The following RIPOR2 variants were observed in gnomAD, a reference collection of about 807,000 sequenced individuals.
RIPOR2 encodes the protein rho family-interacting cell polarization regulator 2.
In RIPOR2, 39 loss-of-function variants were observed where a neutral mutation model predicts 114.5. The observed-to-expected ratio is 0.34, with a 90% CI of 0.26 to 0.44. The LOEUF is 0.44. RIPOR2 is among the 20% of genes least tolerant of loss of function. The pLI is 1.00. For missense variants in RIPOR2, 1,007 were observed against 1,255.1 expected (o/e 0.80, Z 2.99); for synonymous variants, 445 against 484.4 (o/e 0.92, Z 1.07).
intron 15 of RIPOR2, among the ~76,000 whole-genome samples, chr6:24,832,626 A>G (rs1332764818): frequency 1.3e-5 from 2 of 152,218 alleles, no homozygotes; most frequent in East Asian, 1.9e-4. Context: ...CTTTCTCAGT[A>G]GTAGGTCTAC....
chr6:24,859,650 C>CA (rs1454294259), intron 8 of RIPOR2, among the ~76,000 whole-genome samples: 2 of 152,194 alleles, frequency 1.3e-5, no homozygotes, highest in Non-Finnish European at 2.9e-5. Flanking sequence ...GAGAAGCATG[C>CA]AGCCATTTGG....
intron 1 of RIPOR2, among the ~76,000 whole-genome samples, chr6:24,970,926 C>T (rs1773763932): frequency 6.6e-6 from 1 of 152,106 alleles, no homozygotes; most frequent in Admixed American, 6.6e-5. Flanking sequence ...TCCAGTTTCC[C>T]CATCTGAAAG....
At chr6:25,015,883 C>T (rs1337844386) in intron 1 of RIPOR2, 4 of 122,556 alleles carry the variant, frequency 3.3e-5, no homozygotes, top group African/African-American at 6.1e-5. Flanking sequence ...CCCTTAAAAA[C>T]GCAGGTTTTT....
rs78125854 is a variant in RIPOR2, at chr6:24,968,369, C to T, written c.76+73482G>A. On this transcript the variant is annotated intron_variant, in intron 1 of 13. Coordinates refer to the RIPOR2 transcript ENST00000510784. Reference sequence around the variant, plus strand: ...AGGACCCCTCCACTTCTGGAAGCACCTTTGGGGTATTTTCTACATTCACTC... The same window carrying T: ...AGGACCCCTCCACTTCTGGAAGCACTTTTGGGGTATTTTCTACATTCACTC... 3.1e-3 allele frequency among the ~76,000 whole-genome samples: 473 copies of T among 152,260 alleles called. 4 individuals carry two copies. The highest frequency in any genetic ancestry group is 0.011 in the African/African-American group (451 of 41,564).
chr6:24,961,037 C>A (rs1022954572), intron 1 of RIPOR2, among the ~76,000 whole-genome samples: 1 of 152,142 alleles, frequency 6.6e-6, no homozygotes, highest in Non-Finnish European at 1.5e-5. Context: ...TGAGGAGAGT[C>A]GGCTCTGGGC....
intron 18 of RIPOR2, among the ~76,000 whole-genome samples, chr6:24,826,263 A>G (rs1249305101): frequency 6.6e-6 from 1 of 152,150 alleles, no homozygotes; most frequent in Non-Finnish European, 1.5e-5. Flanking sequence ...TAGGAAGACA[A>G]TATTAAAAAA....
chr6:24,942,002 G>A (rs1772156203), intron 1 of RIPOR2, among the ~76,000 whole-genome samples: 1 of 152,094 alleles, frequency 6.6e-6, no homozygotes, highest in Non-Finnish European at 1.5e-5. Flanking sequence ...CTTCCTCCCA[G>A]AATGTGACCC....
chr6:24,852,531 C>G, intron 9 of RIPOR2, 44 bp downstream of exon 9: 2 of 1,469,542 alleles, frequency 1.4e-6, no homozygotes, highest in Non-Finnish European at 1.9e-6. Flanking sequence ...GGCCCCTACC[C>G]TTCAGGTCCA....
At chr6:24,939,967 AATG>A (rs1369463941), upstream of RIPOR2, among the ~76,000 whole-genome samples, 6 of 152,202 alleles carry the variant, frequency 3.9e-5, no homozygotes, top group African/African-American at 1.4e-4. Flanking sequence ...TGTGAATTAC[AATG>A]ATATGAAAGG....
chr6:24,921,477 C>T (rs1770481609), intron 1 of RIPOR2, among the ~76,000 whole-genome samples: 1 of 151,754 alleles, frequency 6.6e-6, no homozygotes, highest in South Asian at 2.1e-4. Flanking sequence ...GATCTTCTAC[C>T]ATTCTCTGCC....
At chr6:24,875,181 G>A (rs1765595911) in intron 2 of RIPOR2, among the ~76,000 whole-genome samples, 1 of 152,220 alleles carries the variant, frequency 6.6e-6, no homozygotes, top group Non-Finnish European at 1.5e-5. Context: ...AAAAACTGAA[G>A]ATAAACTTGG....
chr6:24,919,834 G>A (rs747563254), intron 1 of RIPOR2, among the ~76,000 whole-genome samples: 2 of 152,122 alleles, frequency 1.3e-5, no homozygotes, highest in East Asian at 3.8e-4. Flanking sequence ...ATTCACACAC[G>A]TTTGAGCCTC....
At chr6:25,014,060 C>T (rs1484432336) in intron 1 of RIPOR2, among the ~76,000 whole-genome samples, 1 of 152,060 alleles carries the variant, frequency 6.6e-6, no homozygotes, top group Non-Finnish European at 1.5e-5. Flanking sequence ...ATTTTTCAAC[C>T]CTAATTTATC....
chr6:24,978,202 T>C (rs1252116621), intron 1 of RIPOR2, among the ~76,000 whole-genome samples: 1 of 152,156 alleles, frequency 6.6e-6, no homozygotes, highest in Non-Finnish European at 1.5e-5. Flanking sequence ...CAGGCCAGCT[T>C]ATTGGAGTTG....
At chr6:24,959,009 T>C (rs9467363) in intron 1 of RIPOR2, among the ~76,000 whole-genome samples, 8,222 of 146,038 alleles carry the variant, frequency 0.056, 482 homozygotes, top group Middle Eastern at 0.17. Context: ...TGGAGTGGAG[T>C]GGCCAATCAT....
rs539116985 is a variant in RIPOR2, at chr6:25,034,331, AG to A, written c.76+7519del. Among the ~76,000 whole-genome samples the A allele has an allele frequency of 5.9e-4, 75 of 126,992 alleles. 1 individual carries two copies. In the East Asian group the frequency reaches 0.013, roughly 22 times the overall value. 83.3% of individuals were successfully genotyped at this position (126,992 alleles called of 152,430 possible). A position where few individuals can be genotyped will look rare whatever the true frequency, so the allele number is the denominator to read the frequency against. ...CTGTTGGGGGGGTGGGTAGGGTAGG[AG>A]GGGGTAAGGGGTGTGTATATAGTTA... On this transcript the variant is annotated intron_variant, in intron 1 of 13. Coordinates refer to the RIPOR2 transcript ENST00000510784.
chr6:25,036,823 A>G (rs969260752), intron 1 of RIPOR2, among the ~76,000 whole-genome samples: 1 of 152,192 alleles, frequency 6.6e-6, no homozygotes, highest in African/African-American at 2.4e-5. Flanking sequence ...GAAGAACAGG[A>G]GTCACACCCC....
intron 1 of RIPOR2, among the ~76,000 whole-genome samples, chr6:24,953,861 T>C (rs1772901753): frequency 6.6e-6 from 1 of 152,024 alleles, no homozygotes. Flanking sequence ...AGCTTCTCTG[T>C]TTCTTTGAGT....
At chr6:25,040,288 G>A (rs776146363) in intron 1 of RIPOR2, among the ~76,000 whole-genome samples, 2 of 151,672 alleles carry the variant, frequency 1.3e-5, no homozygotes, top group Non-Finnish European at 2.9e-5. Flanking sequence ...GCTAATTTTT[G>A]TATTTTTAGT....
Sources: allele counts gnomAD v4.1 joint callset (sites outside exome capture counted in the v4.1 genomes callset), GRCh38; gene constraint gnomAD v4.1.1; transcripts MANE v1.5; gene names NCBI Gene and HGNC (gene_info 2026-07-23, HGNC 2026-07-21).